Variants in ZNF85 observed in about 807,000 individuals in gnomAD.
ZNF85 encodes zinc finger protein 85, also known as zinc finger protein 85 (HPF4, HTF1).
ZNF85 carries 50 observed loss-of-function variants against 53.9 expected under a neutral mutation model. The observed-to-expected ratio is 0.93, with a 90% CI of 0.74 to 1.17. The LOEUF is 1.17. Ranked by LOEUF, ZNF85 falls within the 50% of genes most tolerant of loss-of-function variation. The pLI, the probability that ZNF85 is intolerant of heterozygous loss-of-function variation, is 0.00. For synonymous variants in ZNF85, 225 were observed against 226.1 expected, an observed-to-expected ratio of 1.00 and a Z score of 0.04; for missense variants, 747 against 688.5, an observed-to-expected ratio of 1.08 and a Z score of -0.95.
At chr19:20,930,793 A>G (rs1276583580) in intron 1 of ZNF85, among the ~76,000 whole-genome samples, 1 of 152,092 alleles carries the variant, frequency 6.6e-6, no homozygotes, top group Non-Finnish European at 1.5e-5. Context: ...TTATTTAGAG[A>G]CAGAGTTTCG....
rs1555795432 is a variant in ZNF85, at chr19:20,950,159, C to T, written c.1645C>T (p.Gln549Ter). ...TGAAGAATGTGGCAAAGCCTTTAAC[C>T]AGTCCTCAAACCTTACTAAACATAA... ...TCEECGKAFN[Q>*]SSNLTKHKRI... The change falls in exon 4 of 4, where the codon CAG becomes TAG. Residue 549 changes from glutamine (Q) to a stop codon, truncating the protein, a stop_gained. Coordinates refer to ENST00000328178, the MANE Select transcript of ZNF85 (RefSeq NM_003429.5). LOFTEE classifies it high-confidence loss of function. 1 of 1,613,590 alleles carries T rather than the reference C, an allele frequency of 6.2e-7. No homozygotes were observed. The highest frequency in any genetic ancestry group is 8.5e-7 in the Non-Finnish European group (1 of 1,179,798).
rs1973487776 is a variant in ZNF85, at chr19:20,948,886, T to C, written c.372T>C (p.Cys124=). 1 of 1,613,712 alleles carries C rather than the reference T, an allele frequency of 6.2e-7. No homozygotes were observed. Among genetic ancestry groups the C allele is most frequent in the Non-Finnish European group, 8.5e-7 (1 of 1,179,796 alleles). The change falls in exon 4 of 4, where the codon TGT becomes TGC. Residue 124 remains cysteine, a synonymous_variant. Transcript: ENST00000328178. ...AAGGCTGTGAAAGTATGGATGAGTG[T>C]AAGATGCACAAAGGAGGTTGTAATG... ...LRKGCESMDE[C]KMHKGGCNGL...
intron 1 of ZNF85, among the ~76,000 whole-genome samples, chr19:20,923,864 C>A (rs1395208953): frequency 6.6e-6 from 1 of 152,066 alleles, no homozygotes; most frequent in Non-Finnish European, 1.5e-5. Flanking sequence ...GGCGGATCAT[C>A]TGAGGTCAGG....
At position 20,949,226 on chromosome 19, in the gene ZNF85, G is replaced by T; in HGVS notation, c.712G>T (p.Ala238Ser). 1 of 1,613,160 alleles carries T rather than the reference G, an allele frequency of 6.2e-7. No individual in the cohort carries two copies. Among genetic ancestry groups the T allele is most frequent in the Non-Finnish European group, 8.5e-7 (1 of 1,179,732 alleles). Residue 238 changes from alanine (A) to serine (S), a missense_variant, in exon 4 of 4, where the codon GCC becomes TCC. By Grantham distance (99) the Ala-to-Ser change is moderately conservative (BLOSUM62 1). Transcript: ENST00000328178. ...KPYKCEECGK[A>S]FNQSSNLIKH... ...TTACAAATGTGAAGAATGTGGTAAA[G>T]CCTTTAACCAGTCCTCAAACCTTAT...
chr19:20,930,911 T>G (rs907067992), intron 1 of ZNF85, among the ~76,000 whole-genome samples: 18 of 152,204 alleles, frequency 1.2e-4, no homozygotes, highest in African/African-American at 4.3e-4. Context: ...TAGCTGGGAT[T>G]ACAGACATGC....
chr19:20,949,961 A>T lies in ZNF85; in HGVS notation c.1447A>T (p.Lys483Ter), dbSNP rs767549547. 1 of 1,611,278 alleles carries T rather than the reference A, an allele frequency of 6.2e-7. No homozygotes were observed. Among genetic ancestry groups the T allele is most frequent in the Non-Finnish European group, 8.5e-7 (1 of 1,178,088 alleles). ...KKSHTEEKPY[K>*]CEECGKGFKW... ...AAGTCATACAGAAGAGAAACCTTAC[A>T]AATGTGAAGAATGTGGCAAAGGTTT... The change falls in exon 4 of 4, where the codon AAA becomes TAA. Residue 483 changes from lysine (K) to a stop codon, truncating the protein, a stop_gained. Transcript: ENST00000328178. LOFTEE classifies it high-confidence loss of function.
intron 2 of ZNF85, among the ~76,000 whole-genome samples, chr19:20,934,566 G>A (rs113115108): frequency 0.1 from 15,544 of 151,980 alleles, 882 homozygotes; most frequent in Non-Finnish European, 0.13. Flanking sequence ...TCAGGAGATC[G>A]AGACCATCCT....
At chr19:20,948,154 C>T (rs11085412) in intron 3 of ZNF85, among the ~76,000 whole-genome samples, 17,178 of 151,990 alleles carry the variant, frequency 0.11, 1,007 homozygotes, top group Non-Finnish European at 0.13. Context: ...TGTTTTAGGT[C>T]TTTTTTAGTT....
Position 20,949,452 on chromosome 19 carries a change from C to T in ZNF85, c.938C>T (p.Pro313Leu), listed in dbSNP as rs762084171. ...AGAAAAATTCATACTGGAGAGAAAC[C>T]TTACAAATGTGAAGAATGTGGCAAA... ...THRKIHTGEK[P>L]YKCEECGKAF... is the part of the protein sequence containing the mutation. Residue 313 changes from proline (P) to leucine (L), a missense_variant, in exon 4 of 4, where the codon CCT becomes CTT. Physicochemically the swap from Pro to Leu is moderately conservative, Grantham distance 98. Coordinates refer to ENST00000328178, the MANE Select transcript of ZNF85 (RefSeq NM_003429.5). 1 of 1,613,352 alleles carries T rather than the reference C, an allele frequency of 6.2e-7. No homozygotes were observed. Among genetic ancestry groups the T allele is most frequent in the Non-Finnish European group, 8.5e-7 (1 of 1,179,664 alleles).
chr19:20,941,280 C>G (rs1248171363), intron 3 of ZNF85, among the ~76,000 whole-genome samples: 1 of 151,846 alleles, frequency 6.6e-6, no homozygotes, highest in Non-Finnish European at 1.5e-5. Flanking sequence ...CCTCCCCCCA[C>G]TCTTCCTGCC....
intron 1 of ZNF85, chr19:20,928,179 C>A (rs1279532044): frequency 6.6e-6 from 1 of 152,092 alleles, no homozygotes; most frequent in African/African-American, 2.4e-5. Context: ...GGGTTTGTGA[C>A]TGGCATCTGT....
chr19:20,930,160 C>G (rs933285783), intron 1 of ZNF85, among the ~76,000 whole-genome samples: 1 of 140,652 alleles, frequency 7.1e-6, no homozygotes, highest in South Asian at 2.4e-4. Flanking sequence ...GAGTTTTTGT[C>G]TGGTGAATCC....
intron 3 of ZNF85, chr19:20,946,277 G>C (rs1238403491): frequency 2.6e-6 from 1 of 385,912 alleles, no homozygotes; most frequent in African/African-American, 2.2e-5. Flanking sequence ...AATTTGTTAA[G>C]ACTTCTTTTT....
intron 3 of ZNF85, among the ~76,000 whole-genome samples, chr19:20,942,226 G>A (rs892892599): frequency 2.6e-5 from 4 of 151,504 alleles, no homozygotes; most frequent in Middle Eastern, 3.4e-3. Context: ...GAGTGCAATG[G>A]CATAATCTCG....
intron 1 of ZNF85, among the ~76,000 whole-genome samples, chr19:20,930,142 A>AAGG (rs1555793059): frequency 6.9e-6 from 1 of 145,160 alleles, no homozygotes; most frequent in Non-Finnish European, 1.5e-5. Flanking sequence ...AAAAAAAAAA[A>AAGG]GAAATCAGAG....
At position 20,948,802 on chromosome 19, in the gene ZNF85, C is replaced by T; in HGVS notation, c.288C>T (p.Phe96=). Residue 96 remains phenylalanine (F), a synonymous_variant, in exon 4 of 4, where the codon TTC becomes TTT. Transcript: ENST00000328178. ...LWPEQNIKDS[F]QKVTLKRYGK... ...CGGAGCAGAATATAAAAGATTCTTT[C>T]CAAAAAGTGACACTGAAAAGATATG... 6.2e-7 allele frequency: 1 copy of T among 1,607,644 alleles called. No individual in the cohort carries two copies. The highest frequency in any genetic ancestry group is 8.5e-7 in the Non-Finnish European group (1 of 1,177,996).
intron 1 of ZNF85, among the ~76,000 whole-genome samples, chr19:20,929,523 T>A (rs1972958490): frequency 6.6e-6 from 1 of 152,168 alleles, no homozygotes; most frequent in Non-Finnish European, 1.5e-5. Flanking sequence ...TACATATGTA[T>A]CTTATAATAA....
chr19:20,949,652 AATC>A lies in ZNF85; in HGVS notation c.1141_1143del (p.His381del), dbSNP rs1252444472. On this transcript the variant is annotated inframe_deletion, in exon 4 of 4. Coordinates refer to ENST00000328178, the MANE Select transcript of ZNF85 (RefSeq NM_003429.5). ...ATGTGAAAAATGTGGAAAAGCCTTT[AATC>A]ATTTCTCACACCTTACTACACATAA... The A allele has an allele frequency of 1.9e-6, 3 of 1,613,436 alleles. No individual in the cohort carries two copies. The East Asian group carries it at 6.7e-5, about 36-fold the overall frequency.
chr19:20,929,502 C>T (rs534704895), intron 1 of ZNF85, among the ~76,000 whole-genome samples: 1 of 152,204 alleles, frequency 6.6e-6, no homozygotes, highest in South Asian at 2.1e-4. Context: ...TTTCTTTAAC[C>T]TTGCTAAGAA....
Sources: allele counts gnomAD v4.1 joint callset (sites outside exome capture counted in the v4.1 genomes callset), GRCh38; gene constraint gnomAD v4.1.1; transcripts MANE v1.5; gene names NCBI Gene and HGNC (gene_info 2026-07-23, HGNC 2026-07-21).